ADAMTS18: variants seen among roughly 807,000 people sequenced by gnomAD.
The protein encoded by ADAMTS18 is A disintegrin and metalloproteinase with thrombospondin motifs 18.
A neutral mutation model predicts 165.9 loss-of-function variants in ADAMTS18; 157 were observed. That is an observed-to-expected ratio of 0.95 (90% confidence interval 0.83 to 1.08). The LOEUF (loss-of-function observed/expected upper bound fraction) is 1.08. ADAMTS18 is among the 50% of genes least tolerant of loss of function. The pLI is 0.00. For missense variants in ADAMTS18, 2,040 were observed against 1,534.0 expected, an observed-to-expected ratio of 1.33 and a Z score of -5.51; for synonymous variants, 782 against 578.2, an observed-to-expected ratio of 1.35 and a Z score of -5.06.
chr16:77,429,803 T>C (rs1052429118), intron 3 of ADAMTS18, among the ~76,000 whole-genome samples: 1 of 152,100 alleles, frequency 6.6e-6, no homozygotes, highest in African/African-American at 2.4e-5. Context: ...ATAGAGAAAT[T>C]ATTCCCTGCC....
intron 12 of ADAMTS18, 114 bp from the exon 13 acceptor site, chr16:77,326,152 G>C: frequency 1.0e-6 from 1 of 988,948 alleles, no homozygotes; most frequent in Non-Finnish European, 1.6e-6. Flanking sequence ...TGTATGCAAA[G>C]GCATACAGTC....
intron 3 of ADAMTS18, among the ~76,000 whole-genome samples, chr16:77,389,783 G>C (rs1214512266): frequency 1.3e-5 from 2 of 152,228 alleles, no homozygotes; most frequent in African/African-American, 2.4e-5. Flanking sequence ...AGGTGAAATA[G>C]AGACAGGAGC....
chr16:77,326,883 T>G lies in ADAMTS18; in HGVS notation c.1860-845A>C, dbSNP rs115095946. On this transcript the variant is annotated intron_variant, in intron 12 of 22. Coordinates refer to ENST00000282849, the MANE Select transcript of ADAMTS18 (RefSeq NM_199355.4). The stretch of plus-strand genomic sequence containing the variant: ...TCCTCTTCCTCCTCCAACCCTCCAC[T>G]CTCAATCTTTGGGTCCATATGTACT... 6.7e-3 allele frequency among the ~76,000 whole-genome samples: 1,019 copies of G among 152,208 alleles called. 11 individuals carry two copies. The highest frequency in any genetic ancestry group is 0.023 in the African/African-American group (944 of 41,524).
intron 12 of ADAMTS18, among the ~76,000 whole-genome samples, chr16:77,333,603 C>G (rs907802217): frequency 6.6e-6 from 1 of 151,236 alleles, no homozygotes; most frequent in African/African-American, 2.4e-5. Context: ...GAAGGAATAC[C>G]CCAAAGAAGG....
intron 9 of ADAMTS18, among the ~76,000 whole-genome samples, chr16:77,354,551 A>C (rs2056600905): frequency 7.0e-6 from 1 of 142,448 alleles, no homozygotes; most frequent in African/African-American, 2.6e-5. Flanking sequence ...AATAATTAAA[A>C]TGTGGTACCA....
At chr16:77,325,820 A>G (rs2056084477) in intron 13 of ADAMTS18, 46 bp downstream of exon 13, 2 of 1,563,238 alleles carry the variant, frequency 1.3e-6, no homozygotes, top group Non-Finnish European at 1.8e-6. Context: ...CAATCACATT[A>G]TTATCCACAT....
At chr16:77,419,410 A>C (rs1406302488) in intron 3 of ADAMTS18, among the ~76,000 whole-genome samples, 1 of 151,966 alleles carries the variant, frequency 6.6e-6, no homozygotes, top group East Asian at 1.9e-4. Context: ...TCACCCCTAG[A>C]GCCCCATGTG....
Position 77,431,443 on chromosome 16 carries a change from G to A in ADAMTS18, c.347C>T (p.Ala116Val), listed in dbSNP as rs578142954. 7.4e-6 allele frequency: 12 copies of A among 1,614,054 alleles called. No homozygotes were observed. The highest frequency in any genetic ancestry group is 6.6e-5 in the South Asian group (6 of 91,084). ...QELHLELKPSAILSSHFIVQV... is the reference protein window; with the variant it reads ...QELHLELKPSVILSSHFIVQV... ...GACAATAAAGTGACTGCTCAAAATC[G>A]CCGAGGGCTTAAGTTCTAAGTGCAG... Residue 116 changes from alanine (A) to valine (V), a missense_variant, in exon 3 of 23, where the codon GCG (alanine) becomes GTG (valine). Physicochemically the swap from Ala to Val is moderately conservative, Grantham distance 64 (BLOSUM62 0). Coordinates refer to ENST00000282849, the MANE Select transcript of ADAMTS18 (RefSeq NM_199355.4).
intron 3 of ADAMTS18, among the ~76,000 whole-genome samples, chr16:77,399,748 A>C (rs1264862078): frequency 6.6e-6 from 1 of 152,198 alleles, no homozygotes. Context: ...GCTACTATTC[A>C]GGATGCAACC....
intron 16 of ADAMTS18, among the ~76,000 whole-genome samples, chr16:77,300,638 C>G (rs951865692): frequency 6.6e-6 from 1 of 151,962 alleles, no homozygotes; most frequent in African/African-American, 2.4e-5. Context: ...GAGCAAAACA[C>G]GATTGACATT....
chr16:77,331,185 TATA>T (rs1246183811), intron 12 of ADAMTS18, among the ~76,000 whole-genome samples: 1 of 152,206 alleles, frequency 6.6e-6, no homozygotes, highest in Non-Finnish European at 1.5e-5. Context: ...AATGCCCTAT[TATA>T]ATGAGAGCTC....
intron 3 of ADAMTS18, among the ~76,000 whole-genome samples, chr16:77,389,572 G>T (rs1188672422): frequency 6.6e-6 from 1 of 152,178 alleles, no homozygotes; most frequent in Non-Finnish European, 1.5e-5. Context: ...AGGGTAGTCA[G>T]TTTCTTACCA....
At chr16:77,402,941 G>C (rs1375525166) in intron 3 of ADAMTS18, among the ~76,000 whole-genome samples, 2 of 152,150 alleles carry the variant, frequency 1.3e-5, no homozygotes, top group Non-Finnish European at 1.5e-5. Context: ...AATACACATG[G>C]AGCAACTGCC....
intron 9 of ADAMTS18, among the ~76,000 whole-genome samples, chr16:77,355,012 C>T (rs574258027): frequency 2.6e-5 from 4 of 152,076 alleles, no homozygotes; most frequent in African/African-American, 4.8e-5. Flanking sequence ...GATATCTTCA[C>T]GTTTAATATG....
chr16:77,326,544 G>A (rs971298587), intron 12 of ADAMTS18, among the ~76,000 whole-genome samples: 22 of 151,960 alleles, frequency 1.4e-4, no homozygotes, highest in African/African-American at 5.1e-4. Flanking sequence ...CACTACACCT[G>A]GCTAATTCTT....
chr16:77,332,443 T>C (rs549572846), intron 12 of ADAMTS18, among the ~76,000 whole-genome samples: 5 of 152,284 alleles, frequency 3.3e-5, no homozygotes, highest in Admixed American at 3.3e-4. Flanking sequence ...CCACTGAATG[T>C]TCCCCAGTCT....
chr16:77,388,774 C>G (rs2057144736), intron 3 of ADAMTS18, among the ~76,000 whole-genome samples: 1 of 152,164 alleles, frequency 6.6e-6, no homozygotes, highest in Non-Finnish European at 1.5e-5. Flanking sequence ...TTCAGGGAAG[C>G]AGAAAGGAGA....
chr16:77,304,794 T>C (rs1243840457), intron 16 of ADAMTS18, among the ~76,000 whole-genome samples: 1 of 152,230 alleles, frequency 6.6e-6, no homozygotes, highest in Non-Finnish European at 1.5e-5. Context: ...ATAGTAGCTA[T>C]TTGTATGCCT....
At position 77,297,345 on chromosome 16, in the gene ADAMTS18, T is replaced by G. The variant is rs1435489735; in HGVS notation, c.2745A>C (p.Ala915=). Residue 915 remains alanine (A), a synonymous_variant, in exon 18 of 23, where the codon GCA becomes GCC. Transcript: ENST00000282849. ...TGGGCTCAGTTACTGGCTTGGTTTT[T>G]GCACTGCAGAATGAGGAATTGACTT... is the stretch of plus-strand genomic sequence containing the variant. ...NTQVNSSFCS[A]KTKPVTEPKI... The G allele has an allele frequency of 7.4e-6, 12 of 1,614,164 alleles. No individual in the cohort carries two copies. The highest frequency in any genetic ancestry group is 8.5e-6 in the Non-Finnish European group (10 of 1,179,990).
Sources: allele counts gnomAD v4.1 joint callset (sites outside exome capture counted in the v4.1 genomes callset), GRCh38; gene constraint gnomAD v4.1.1; transcripts MANE v1.5; gene names NCBI Gene and HGNC (gene_info 2026-07-23, HGNC 2026-07-21).